RASEF: variants seen among roughly 807,000 people sequenced by gnomAD.
RASEF encodes the protein ras and EF-hand domain-containing protein.
RASEF carries 68 observed loss-of-function variants against 90.1 expected under a neutral mutation model. The ratio of observed to expected loss-of-function variants is 0.75; its 90% CI spans 0.62 to 0.92. The LOEUF is 0.92. RASEF is among the 40% of genes least tolerant of loss of function. The pLI is 0.00. For missense variants in RASEF, 949 were observed against 937.2 expected (o/e 1.01, Z -0.16); for synonymous variants, 331 against 345.2 (o/e 0.96, Z 0.46).
Position 83,062,729 on chromosome 9 carries a change from C to A in RASEF, c.139G>T (p.Ala47Ser), listed in dbSNP as rs755004139. 3 of 1,572,746 alleles carry A rather than the reference C, an allele frequency of 1.9e-6. No individual in the cohort carries two copies. Among genetic ancestry groups the A allele is most frequent in the East Asian group, 2.3e-5 (1 of 43,410 alleles). ...TCCAGCCGCTGGAATACTGCCTCGG[C>A]GTCGGCCGGCCGCACCCGCAGCTCC... ...CTELRVRPAD[A>S]EAVFQRLDAD... The change falls in exon 1 of 17, where the codon GCC becomes TCC. Residue 47 changes from alanine to serine, a missense_variant. Ala to Ser is a moderately conservative substitution (Grantham distance 99). Coordinates refer to ENST00000376447, the MANE Select transcript of RASEF (RefSeq NM_152573.4).
the RASEF span, among the ~76,000 whole-genome samples, chr9:83,213,854 A>C: frequency 6.6e-6 from 1 of 152,204 alleles, no homozygotes; most frequent in Non-Finnish European, 1.5e-5. Flanking sequence ...TCAGGAAAAA[A>C]ATATTCTACT....
chr9:83,127,570 T>G, the RASEF span, among the ~76,000 whole-genome samples: 3 of 152,192 alleles, frequency 2.0e-5, no homozygotes, highest in African/African-American at 7.2e-5. Flanking sequence ...GAAAGTGTCA[T>G]GTAGGCGCTG....
chr9:82,987,610 G>A (rs1828731710), intron 16 of RASEF, among the ~76,000 whole-genome samples: 1 of 151,200 alleles, frequency 6.6e-6, no homozygotes, highest in Non-Finnish European at 1.5e-5. Flanking sequence ...CCATCTTTAT[G>A]ACATAATAAA....
intron 16 of RASEF, among the ~76,000 whole-genome samples, chr9:82,988,897 T>A (rs1828762041): frequency 6.6e-6 from 1 of 152,160 alleles, no homozygotes. Context: ...AAGGAAAAAA[T>A]GTGCTAGGTC....
At chr9:82,983,441 C>T (rs978208167) in intron 16 of RASEF, among the ~76,000 whole-genome samples, 7 of 152,132 alleles carry the variant, frequency 4.6e-5, no homozygotes, top group African/African-American at 1.4e-4. Context: ...CTTATGAAAA[C>T]CCCCTAAGGA....
At chr9:83,137,277 T>C in the RASEF span, among the ~76,000 whole-genome samples, 1 of 152,132 alleles carries the variant, frequency 6.6e-6, no homozygotes, top group Non-Finnish European at 1.5e-5. Context: ...AAAATACTCT[T>C]TGGGGATTGT....
chr9:83,144,388 A>AAAGG, the RASEF span, among the ~76,000 whole-genome samples: 10 of 41,146 alleles, frequency 2.4e-4, no homozygotes, highest in African/African-American at 4.6e-4. Flanking sequence ...AGAAAGAAAG[A>AAAGG]AAGGAAAGAA....
At chr9:83,190,288 T>C in the RASEF span, among the ~76,000 whole-genome samples, 3 of 152,214 alleles carry the variant, frequency 2.0e-5, no homozygotes, top group Non-Finnish European at 2.9e-5. Flanking sequence ...AAACATGCTC[T>C]TTAAAATAGC....
chr9:83,211,553 T>A, the RASEF span, among the ~76,000 whole-genome samples: 1 of 152,210 alleles, frequency 6.6e-6, no homozygotes, highest in Non-Finnish European at 1.5e-5. Context: ...CCCCAATCAA[T>A]AATCTCAGCA....
At chr9:83,199,643 G>A in the RASEF span, among the ~76,000 whole-genome samples, 1 of 152,208 alleles carries the variant, frequency 6.6e-6, no homozygotes, top group Admixed American at 6.5e-5. Context: ...CTGTCAGCAA[G>A]AGGCTGACAC....
the RASEF span, among the ~76,000 whole-genome samples, chr9:83,091,804 C>T: frequency 6.6e-6 from 1 of 151,902 alleles, no homozygotes; most frequent in East Asian, 1.9e-4. Flanking sequence ...AATTACCAGA[C>T]AGTCAAACAA....
At chr9:82,988,004 G>C (rs1015156993) in intron 16 of RASEF, among the ~76,000 whole-genome samples, 1 of 152,210 alleles carries the variant, frequency 6.6e-6, no homozygotes, top group South Asian at 2.1e-4. Flanking sequence ...GTGTTCCGCT[G>C]ACCAAGGCTA....
chr9:83,176,017 G>A, the RASEF span, among the ~76,000 whole-genome samples: 1 of 152,206 alleles, frequency 6.6e-6, no homozygotes, highest in Admixed American at 6.5e-5. Flanking sequence ...ATAGATGTAC[G>A]TTAGGTCTAG....
chr9:83,048,766 A>G (rs1456870563), intron 1 of RASEF: 3 of 981,134 alleles, frequency 3.1e-6, no homozygotes, highest in South Asian at 4.7e-5. Flanking sequence ...TCCGTCCTAT[A>G]TAGTTCTTGA....
At chr9:83,070,962 A>C in the RASEF span, among the ~76,000 whole-genome samples, 2 of 152,162 alleles carry the variant, frequency 1.3e-5, no homozygotes, top group African/African-American at 4.8e-5. Flanking sequence ...TATAATGATG[A>C]ACTTGTATTC....
At chr9:83,024,376 GGCATGTGTAT>G (rs552545443) in intron 2 of RASEF, among the ~76,000 whole-genome samples, 75 of 152,244 alleles carry the variant, frequency 4.9e-4, no homozygotes, top group African/African-American at 1.8e-3. Flanking sequence ...TTAGATGGGG[GGCATGTGTAT>G]GCATGTGTAC....
At chr9:83,192,753 G>GA in the RASEF span, among the ~76,000 whole-genome samples, 9,726 of 118,270 alleles carry the variant, frequency 0.082, 355 homozygotes, top group South Asian at 0.17. Flanking sequence ...ACCTTCACCA[G>GA]AAAAAAAAAA....
In RASEF at chr9:83,012,427, T is replaced by C. The variant is rs1829262868; in HGVS notation, c.843+7A>G. 2 of 1,481,122 alleles carry C rather than the reference T, an allele frequency of 1.4e-6. No homozygotes were observed. The highest frequency in any genetic ancestry group is 1.8e-6 in the Non-Finnish European group (2 of 1,082,462). 91.7% of individuals were successfully genotyped at this position (1,481,122 alleles called of 1,614,324 possible). ...TGCATTTCTGTAAGTGAAAAGGTAA[T>C]TCTTACCATTGATAAATCATAAATT... On this transcript the variant is annotated splice_region_variant and intron_variant, in intron 5 of 16. Coordinates refer to ENST00000376447, the MANE Select transcript of RASEF (RefSeq NM_152573.4).
At chr9:83,071,798 G>A in the RASEF span, among the ~76,000 whole-genome samples, 1 of 152,128 alleles carries the variant, frequency 6.6e-6, no homozygotes, top group South Asian at 2.1e-4. Flanking sequence ...TGCTTCACAT[G>A]GTATCTCCAT....
Sources: gnomAD v4.1 joint callset for allele counts (sites outside exome capture counted in the v4.1 genomes callset) on GRCh38, gnomAD v4.1.1 for gene constraint, MANE v1.5 for transcripts, NCBI Gene and HGNC (gene_info 2026-07-23, HGNC 2026-07-21) for gene names.